Variants in PCDH7 observed in about 807,000 individuals in gnomAD.
The protein encoded by PCDH7 is protocadherin-7.
In PCDH7, 17 loss-of-function variants were observed where a neutral mutation model predicts 58.9. The ratio of observed to expected loss-of-function variants is 0.29; its 90% confidence interval spans 0.20 to 0.43. PCDH7 has a LOEUF of 0.43. Ranked by LOEUF, PCDH7 falls within the 20% of genes least tolerant of loss-of-function variation. The pLI is 1.00. For missense variants in PCDH7, 1,274 were observed against 1,441.0 expected (o/e 0.88, Z 1.88); for synonymous variants, 664 against 616.4 (o/e 1.08, Z -1.14).
intron 3 of PCDH7, among the ~76,000 whole-genome samples, chr4:31,019,985 A>G (rs1328859203): frequency 6.6e-6 from 1 of 152,144 alleles, no homozygotes; most frequent in Non-Finnish European, 1.5e-5. Context: ...TGCAAACAAA[A>G]TGAAGTAAGT....
intron 1 of PCDH7, 51 bp from the exon 2 acceptor site, chr4:30,920,102 A>T: frequency 7.8e-7 from 1 of 1,287,516 alleles, no homozygotes; most frequent in Non-Finnish European, 1.0e-6. Context: ...TTAAAATAAG[A>T]TCATTTACAA....
rs561622350 is a variant in PCDH7, at chr4:30,919,663, G to A, written c.71-490G>A. On this transcript the variant is annotated intron_variant, in intron 1 of 3. Transcript: ENST00000509759. ...ACTGCATCTAAATTCCTATTTGTCAGCTGTACTTTGAACAGTTTAAGTCAA... is the reference window on the plus strand; with the variant it reads ...ACTGCATCTAAATTCCTATTTGTCAACTGTACTTTGAACAGTTTAAGTCAA... 5.9e-5 allele frequency among the ~76,000 whole-genome samples: 9 copies of A among 152,162 alleles called. No homozygotes were observed. In the East Asian group the frequency reaches 1.2e-3, roughly 20 times the overall value.
intron 3 of PCDH7, among the ~76,000 whole-genome samples, chr4:30,996,496 A>G (rs1296837515): frequency 6.6e-6 from 1 of 152,180 alleles, no homozygotes; most frequent in Non-Finnish European, 1.5e-5. Flanking sequence ...GAAAGAGGAA[A>G]ATGACTTTTC....
chr4:31,138,377 A>G (rs909682792), intron 3 of PCDH7, among the ~76,000 whole-genome samples: 2 of 152,174 alleles, frequency 1.3e-5, no homozygotes, highest in African/African-American at 4.8e-5. Flanking sequence ...ACTCTGTGAC[A>G]TCTATTTCCT....
intron 3 of PCDH7, among the ~76,000 whole-genome samples, chr4:31,109,306 A>T (rs1715993038): frequency 6.6e-6 from 1 of 152,238 alleles, no homozygotes; most frequent in Admixed American, 6.5e-5. Flanking sequence ...TACCATGATG[A>T]CTATGCTAAA....
intron 1 of PCDH7, among the ~76,000 whole-genome samples, chr4:30,778,403 G>A (rs990706358): frequency 5.9e-5 from 9 of 152,046 alleles, no homozygotes; most frequent in African/African-American, 2.2e-4. Context: ...GATTTTCAAT[G>A]CTTTTCATAC....
At chr4:30,870,311 G>A (rs572319608) in intron 1 of PCDH7, among the ~76,000 whole-genome samples, 106 of 152,086 alleles carry the variant, frequency 7.0e-4, no homozygotes, top group African/African-American at 2.4e-3. Context: ...TGTCAATTTT[G>A]GGTTTTGTTG....
chr4:30,780,714 T>C (rs1230374627), intron 1 of PCDH7, among the ~76,000 whole-genome samples: 3 of 152,216 alleles, frequency 2.0e-5, no homozygotes, highest in African/African-American at 7.2e-5. Flanking sequence ...GTTATTGAAT[T>C]AATTTGTCTG....
intron 3 of PCDH7, among the ~76,000 whole-genome samples, chr4:30,988,000 G>C (rs1751126877): frequency 6.6e-6 from 1 of 152,218 alleles, no homozygotes; most frequent in East Asian, 1.9e-4. Context: ...ACTGAGCTAA[G>C]GCAAGAATAT....
intron 3 of PCDH7, among the ~76,000 whole-genome samples, chr4:31,048,903 G>T (rs955839792): frequency 2.6e-5 from 4 of 152,030 alleles, no homozygotes; most frequent in African/African-American, 9.7e-5. Context: ...TGCCCTTTGA[G>T]AATAAAAGTA....
chr4:30,801,352 A>G (rs1424538112), intron 1 of PCDH7, among the ~76,000 whole-genome samples: 2 of 152,190 alleles, frequency 1.3e-5, no homozygotes, highest in Non-Finnish European at 2.9e-5. Flanking sequence ...CAGTGAATAT[A>G]TGCATATAGA....
intron 3 of PCDH7, among the ~76,000 whole-genome samples, chr4:31,089,354 C>G (rs1712921416): frequency 6.6e-6 from 1 of 152,062 alleles, no homozygotes; most frequent in African/African-American, 2.4e-5. Context: ...AAAGGCCACC[C>G]TGCTATTTTA....
chr4:30,894,818 T>C (rs1169986887), intron 1 of PCDH7, among the ~76,000 whole-genome samples: 1 of 150,786 alleles, frequency 6.6e-6, no homozygotes, highest in Admixed American at 6.6e-5. Context: ...GCTTGATTGC[T>C]GGAAGTTTAG....
At chr4:31,131,028 AG>A in intron 3 of PCDH7, among the ~76,000 whole-genome samples, 1 of 152,232 alleles carries the variant, frequency 6.6e-6, no homozygotes, top group East Asian at 1.9e-4. Context: ...ACATTTTTGG[AG>A]GGGACCATTA....
chr4:30,844,697 G>C (rs1731678642), intron 1 of PCDH7, among the ~76,000 whole-genome samples: 2 of 152,122 alleles, frequency 1.3e-5, no homozygotes. Context: ...AGCCATCTTT[G>C]TTTCAAAAGG....
At chr4:30,923,256 G>T (rs953516308) in intron 2 of PCDH7, among the ~76,000 whole-genome samples, 4 of 152,116 alleles carry the variant, frequency 2.6e-5, no homozygotes, top group Admixed American at 1.3e-4. Flanking sequence ...AATTTCTAGT[G>T]CAATAACAAG....
Position 30,962,776 on chromosome 4 carries a change from TAAAAAAAAAAAAAAAAA to T in PCDH7, c.*7+12574_*7+12590del, listed in dbSNP as rs57257786. Among the ~76,000 whole-genome samples the T allele has an allele frequency of 1.1e-4, 8 of 70,630 alleles. No individual in the cohort carries two copies. In the East Asian group the frequency reaches 3.1e-3, roughly 28 times the overall value. The allele number at this position is 70,630 out of a possible 152,430, so 46.3% of individuals were successfully genotyped here. Reference sequence around the variant, plus strand: ...TGGGGGTCAGAATGAGACCCAGTCTTAAAAAAAAAAAAAAAAAAAAAAAAAAAAACAGTGGTAATTCT... The same window carrying T: ...TGGGGGTCAGAATGAGACCCAGTCTTAAAAAAAAAAAACAGTGGTAATTCT... On this transcript the variant is annotated intron_variant, in intron 3 of 3. Transcript: ENST00000509759.
intron 1 of PCDH7, among the ~76,000 whole-genome samples, chr4:30,890,810 C>T (rs151259397): frequency 0.011 from 1,600 of 152,082 alleles, 24 homozygotes; most frequent in Middle Eastern, 0.034. Context: ...ATTTACCTAG[C>T]GTAGTAAATT....
At chr4:30,800,909 T>C (rs1725452406) in intron 1 of PCDH7, among the ~76,000 whole-genome samples, 1 of 152,224 alleles carries the variant, frequency 6.6e-6, no homozygotes, top group African/African-American at 2.4e-5. Context: ...CATTTGGAAG[T>C]CATTGGAAGT....
Sources: allele counts gnomAD v4.1 joint callset (sites outside exome capture counted in the v4.1 genomes callset), GRCh38; gene constraint gnomAD v4.1.1; transcripts MANE v1.5; gene names NCBI Gene and HGNC (gene_info 2026-07-23, HGNC 2026-07-21).